NCAPD3: variants seen among roughly 807,000 people sequenced by gnomAD.
NCAPD3 encodes condensin-2 complex subunit D3.
In NCAPD3, 105 loss-of-function variants were observed where a neutral mutation model predicts 182.9. That is an observed-to-expected ratio of 0.57 (90% CI 0.49 to 0.68). NCAPD3 has a LOEUF of 0.68. Ranked by LOEUF, NCAPD3 falls within the 30% of genes least tolerant of loss-of-function variation. The pLI, the probability that NCAPD3 is intolerant of heterozygous loss-of-function variation, is 0.00. For missense variants in NCAPD3, 1,944 were observed against 1,837.0 expected (o/e 1.06, Z -1.07); for synonymous variants, 815 against 679.9 (o/e 1.20, Z -3.09).
chr11:134,169,899 A>T (rs1427783239), intron 24 of NCAPD3, among the ~76,000 whole-genome samples: 1 of 152,222 alleles, frequency 6.6e-6, no homozygotes, highest in Non-Finnish European at 1.5e-5. Flanking sequence ...ATTTAATATC[A>T]GAGCTCAAAT....
intron 13 of NCAPD3, among the ~76,000 whole-genome samples, chr11:134,196,891 C>G (rs563745316): frequency 6.6e-6 from 1 of 152,218 alleles, no homozygotes; most frequent in South Asian, 2.1e-4. Context: ...CAAAACATCT[C>G]AAGAAAACAA....
chr11:134,181,223 C>T (rs747259970), intron 19 of NCAPD3, 39 bp from the exon 20 acceptor site: 1 of 1,360,748 alleles, frequency 7.3e-7, no homozygotes, highest in Non-Finnish European at 1.0e-6. Context: ...GGGCCCCGCA[C>T]ATCTCCCAGA....
chr11:134,223,554 G>A (rs1938326148), intron 1 of NCAPD3: 1 of 696,836 alleles, frequency 1.4e-6, no homozygotes, highest in Non-Finnish European at 2.6e-6. Context: ...ATCTTAATAG[G>A]TAAGAATAGA....
rs1162062492 is a variant in NCAPD3, at chr11:134,151,231, T to A, written c.*1713A>T. Reference sequence around the variant, plus strand: ...TACATGAGACTGTGTTGACTTTTTTTAGTTATGTGAAACACTTTGCCGCAG... The same window carrying A: ...TACATGAGACTGTGTTGACTTTTTTAAGTTATGTGAAACACTTTGCCGCAG... On this transcript the variant is annotated 3_prime_UTR_variant, in exon 35 of 35. Coordinates refer to ENST00000534548, the MANE Select transcript of NCAPD3 (RefSeq NM_015261.3). 4 of 152,248 alleles carry A rather than the reference T, an allele frequency of 2.6e-5. 1 individual carries two copies. The highest frequency in any genetic ancestry group is 5.9e-5 in the Non-Finnish European group (4 of 68,052). 9.4% of individuals were successfully genotyped at this position (152,248 alleles called of 1,614,324 possible).
In NCAPD3 at chr11:134,154,672, C is replaced by T. The variant is rs141840424; in HGVS notation, c.4253-1309G>A. 6.2e-4 allele frequency among the ~76,000 whole-genome samples: 94 copies of T among 152,200 alleles called. 1 individual carries two copies. The highest frequency in any genetic ancestry group is 1.8e-3 in the African/African-American group (73 of 41,504). On this transcript the variant is annotated intron_variant, in intron 32 of 34. Coordinates refer to ENST00000534548, the MANE Select transcript of NCAPD3 (RefSeq NM_015261.3). ...GCATAAGCTGCCACCAGCACACTCC[C>T]GGGAACAGCACGGGCTGGGCAGCTG...
intron 15 of NCAPD3, 52 bp from the exon 16 acceptor site, chr11:134,192,961 G>A (rs1339440408): frequency 2.9e-6 from 3 of 1,029,016 alleles, no homozygotes; most frequent in Middle Eastern, 5.6e-4. Context: ...AGTCAGGGAA[G>A]TTGTGATCAA....
At chr11:134,188,850 C>G (rs1340544694) in intron 16 of NCAPD3, among the ~76,000 whole-genome samples, 3 of 152,124 alleles carry the variant, frequency 2.0e-5, no homozygotes, top group Admixed American at 6.5e-5. Context: ...CAAAGGGTAT[C>G]CTTATAAGAA....
At position 134,168,652 on chromosome 11, in the gene NCAPD3, G is replaced by A. The variant is rs201415210; in HGVS notation, c.3240-50C>T. The A allele has an allele frequency of 6.8e-6, 11 of 1,609,252 alleles. No individual in the cohort carries two copies. In the African/African-American group the frequency reaches 9.4e-5, roughly 14 times the overall value. On this transcript the variant is annotated intron_variant, in intron 25 of 34. Coordinates refer to ENST00000534548, the MANE Select transcript of NCAPD3 (RefSeq NM_015261.3). ...CTGCATCACATGGGCACGGGTGTAAGGGATTTAACACTGCACTTTAACTGC... is the reference window on the plus strand; with the variant it reads ...CTGCATCACATGGGCACGGGTGTAAAGGATTTAACACTGCACTTTAACTGC...
intron 3 of NCAPD3, among the ~76,000 whole-genome samples, chr11:134,210,868 C>T (rs1175647591): frequency 6.6e-6 from 1 of 152,188 alleles, no homozygotes; most frequent in Non-Finnish European, 1.5e-5. Context: ...GGTAAATCCA[C>T]ACAAATTATA....
chr11:134,197,273 CTTTTTT>C (rs35691982), intron 13 of NCAPD3, among the ~76,000 whole-genome samples: 3 of 111,976 alleles, frequency 2.7e-5, no homozygotes, highest in Non-Finnish European at 3.5e-5. Flanking sequence ...AGTCTCACAT[CTTTTTT>C]TTTTTTTTTT....
chr11:134,171,474 G>A (rs1321002905), intron 24 of NCAPD3, among the ~76,000 whole-genome samples: 1 of 152,172 alleles, frequency 6.6e-6, no homozygotes, highest in Non-Finnish European at 1.5e-5. Context: ...TCTGAAACAG[G>A]GTGTCTGCTC....
chr11:134,221,908 T>C (rs1383235933), intron 1 of NCAPD3, among the ~76,000 whole-genome samples: 1 of 152,218 alleles, frequency 6.6e-6, no homozygotes, highest in Non-Finnish European at 1.5e-5. Flanking sequence ...ACATGGAATA[T>C]GCTGCCTGAA....
intron 20 of NCAPD3, among the ~76,000 whole-genome samples, chr11:134,179,672 C>T (rs1591838851): frequency 6.6e-6 from 1 of 152,240 alleles, no homozygotes; most frequent in African/African-American, 2.4e-5. Context: ...AGTTGCCCTC[C>T]AGATTATTTT....
At chr11:134,209,629 G>A in intron 4 of NCAPD3, 152 bp from the exon 5 acceptor site, 1 of 655,020 alleles carries the variant, frequency 1.5e-6, no homozygotes, top group Non-Finnish European at 2.6e-6. Flanking sequence ...GACTGTTCTA[G>A]GTCTCCTTGG....
intron 27 of NCAPD3, 49 bp downstream of exon 27, chr11:134,167,947 C>T (rs771216744): frequency 8.4e-6 from 13 of 1,555,114 alleles, no homozygotes; most frequent in Admixed American, 5.1e-5. Context: ...CTTAGGGGAG[C>T]AGCACACTCA....
chr11:134,224,215 G>T, upstream of NCAPD3: 1 of 537,062 alleles, frequency 1.9e-6, no homozygotes, highest in Non-Finnish European at 3.3e-6. Flanking sequence ...CGTTTTTCCC[G>T]CCTCGTTTTT....
At chr11:134,182,609 T>G (rs548282901) in intron 19 of NCAPD3, among the ~76,000 whole-genome samples, 75 of 152,334 alleles carry the variant, frequency 4.9e-4, no homozygotes, top group African/African-American at 1.6e-3. Flanking sequence ...TCACTGATAC[T>G]GAACTATCAG....
chr11:134,168,313 T>C, intron 26 of NCAPD3, 118 bp from the exon 27 acceptor site: 2 of 1,461,938 alleles, frequency 1.4e-6, no homozygotes, highest in Non-Finnish European at 1.9e-6. Flanking sequence ...TGCAAGGGTG[T>C]TTTGTCTGGG....
At chr11:134,224,403 T>C (rs1938371019), upstream of NCAPD3, 1 of 182,142 alleles carries the variant, frequency 5.5e-6, no homozygotes, top group Non-Finnish European at 1.2e-5. Flanking sequence ...CGAGCTAAAG[T>C]AATAAGGGAA....
Sources: allele counts gnomAD v4.1 joint callset (sites outside exome capture counted in the v4.1 genomes callset), GRCh38; gene constraint gnomAD v4.1.1; transcripts MANE v1.5; gene names NCBI Gene and HGNC (gene_info 2026-07-23, HGNC 2026-07-21).